PTPRD: variants seen among roughly 807,000 people sequenced by gnomAD.
PTPRD encodes protein tyrosine phosphatase receptor type D, also known as receptor-type tyrosine-protein phosphatase delta.
Under a neutral mutation model 214.5 loss-of-function variants are expected in PTPRD, and 34 were observed. The ratio of observed to expected loss-of-function variants is 0.16; its 90% CI spans 0.12 to 0.21. The LOEUF (loss-of-function observed/expected upper bound fraction) is 0.21. Among genes scored for constraint, PTPRD ranks in the 10% least tolerant of loss-of-function variants. The pLI, the probability that PTPRD is intolerant of heterozygous loss-of-function variation, is 1.00. For missense variants in PTPRD, 2,545 were observed against 2,398.7 expected, an observed-to-expected ratio of 1.06 and a Z score of -1.27; for synonymous variants, 1,128 against 845.7, an observed-to-expected ratio of 1.33 and a Z score of -5.79.
At chr9:9,369,370 C>A (rs1342481491) in intron 9 of PTPRD, among the ~76,000 whole-genome samples, 2 of 152,054 alleles carry the variant, frequency 1.3e-5, no homozygotes, top group African/African-American at 2.4e-5. Flanking sequence ...AGATGATGAG[C>A]ATTTTTTCAT....
At chr9:8,824,952 G>C (rs1042007264) in intron 11 of PTPRD, among the ~76,000 whole-genome samples, 1 of 151,946 alleles carries the variant, frequency 6.6e-6, no homozygotes. Flanking sequence ...TATTATACTT[G>C]GCCTGATTAT....
At chr9:8,539,558 G>C (rs915185218) in intron 14 of PTPRD, among the ~76,000 whole-genome samples, 1 of 151,778 alleles carries the variant, frequency 6.6e-6, no homozygotes. Context: ...ATTGGAGAAG[G>C]CTTACAGAAA....
At chr9:10,097,807 G>T (rs2098506992) in intron 3 of PTPRD, among the ~76,000 whole-genome samples, 1 of 151,814 alleles carries the variant, frequency 6.6e-6, no homozygotes, top group Non-Finnish European at 1.5e-5. Context: ...GGGCATCCCT[G>T]TGTTGTGCCA....
At chr9:10,609,858 G>A (rs1432461534) in intron 2 of PTPRD, among the ~76,000 whole-genome samples, 2 of 152,082 alleles carry the variant, frequency 1.3e-5, no homozygotes, top group Non-Finnish European at 2.9e-5. Flanking sequence ...ATAGTTACAA[G>A]AGTAGGCTTG....
At position 8,493,046 on chromosome 9, in the gene PTPRD, G is replaced by A. The variant is rs1034518787; in HGVS notation, c.2350-67C>T. On this transcript the variant is annotated intron_variant, in intron 26 of 45. Coordinates refer to ENST00000381196, the MANE Select transcript of PTPRD (RefSeq NM_002839.4). ...ACTAATGCTCTGGGGGAAAAACAAG[G>A]CCGTCTGCCTTCATTCTGCAAATGC... 6 of 1,340,970 alleles carry A rather than the reference G, an allele frequency of 4.5e-6. No homozygotes were observed. The African/African-American group carries it at 7.2e-5, about 16-fold the overall frequency. 83.1% of individuals were successfully genotyped at this position (1,340,970 alleles called of 1,614,324 possible). A position where few individuals can be genotyped will look rare whatever the true frequency, so the allele number is the denominator to read the frequency against.
At chr9:9,335,720 G>A (rs2044173898) in intron 9 of PTPRD, among the ~76,000 whole-genome samples, 1 of 151,912 alleles carries the variant, frequency 6.6e-6, no homozygotes, top group South Asian at 2.1e-4. Context: ...GGCCCAAGAA[G>A]CATAGAAATG....
At chr9:9,095,154 T>C (rs2099781710) in intron 10 of PTPRD, among the ~76,000 whole-genome samples, 1 of 152,136 alleles carries the variant, frequency 6.6e-6, no homozygotes. Context: ...AATTTCACAC[T>C]TAATGTTTAA....
chr9:10,524,383 A>AT (rs1316079295), intron 2 of PTPRD, among the ~76,000 whole-genome samples: 4 of 152,064 alleles, frequency 2.6e-5, no homozygotes, highest in African/African-American at 7.2e-5. Context: ...TACTAGTTTT[A>AT]TTTTTTAATT....
chr9:10,094,539 CTT>C lies in PTPRD; in HGVS notation c.-544-60751_-544-60750del, dbSNP rs5896370. Among the ~76,000 whole-genome samples, 241 of 121,130 alleles carry C rather than the reference CTT, an allele frequency of 2.0e-3. 1 individual carries two copies. The highest frequency in any genetic ancestry group is 0.01 in the East Asian group (42 of 4,084). 79.5% of individuals were successfully genotyped at this position (121,130 alleles called of 152,430 possible). A position where few individuals can be genotyped will look rare whatever the true frequency, so the allele number is the denominator to read the frequency against. ...AGTATGGTTTTTTTTTTCTTTCTTT[CTT>C]TTTTTTTTTTTTTTCTGAAATGGGG... On this transcript the variant is annotated intron_variant, in intron 3 of 45. Transcript: ENST00000381196.
At chr9:9,828,665 T>C (rs906301125) in intron 5 of PTPRD, among the ~76,000 whole-genome samples, 1 of 151,338 alleles carries the variant, frequency 6.6e-6, no homozygotes, top group Non-Finnish European at 1.5e-5. Flanking sequence ...AAAAGATCTT[T>C]TGCTAATTTA....
At position 8,390,877 on chromosome 9, in the gene PTPRD, T is replaced by C. The variant is rs182743456; in HGVS notation, c.4211-1470A>G. Reference sequence around the variant, plus strand: ...CCTGTGAGAAGAAGAGAGGTTTAGATTTACTCTGTTGAGTTCCAAGTTTTA... The same window carrying C: ...CCTGTGAGAAGAAGAGAGGTTTAGACTTACTCTGTTGAGTTCCAAGTTTTA... On this transcript the variant is annotated intron_variant, in intron 36 of 45. Coordinates refer to ENST00000381196, the MANE Select transcript of PTPRD (RefSeq NM_002839.4). Among the ~76,000 whole-genome samples the C allele has an allele frequency of 1.3e-3, 197 of 152,302 alleles. 2 individuals are homozygous for C. Among genetic ancestry groups the C allele is most frequent in the African/African-American group, 4.6e-3 (193 of 41,576 alleles).
intron 10 of PTPRD, among the ~76,000 whole-genome samples, chr9:9,146,613 T>C (rs2099869008): frequency 2.0e-5 from 3 of 152,260 alleles, no homozygotes; most frequent in Admixed American, 1.3e-4. Flanking sequence ...TTGGAGATTA[T>C]TGCATTCAAT....
intron 5 of PTPRD, among the ~76,000 whole-genome samples, chr9:9,889,218 G>A (rs576513497): frequency 1.3e-5 from 2 of 152,038 alleles, no homozygotes; most frequent in South Asian, 2.1e-4. Flanking sequence ...ATATATAATA[G>A]TTAGCAATAT....
intron 9 of PTPRD, among the ~76,000 whole-genome samples, chr9:9,347,439 T>G (rs914443036): frequency 6.6e-6 from 1 of 151,970 alleles, no homozygotes; most frequent in Non-Finnish European, 1.5e-5. Context: ...TTCCCTTCAA[T>G]GTTACATTGT....
At chr9:8,765,509 C>G (rs866675879) in intron 11 of PTPRD, among the ~76,000 whole-genome samples, 3 of 152,096 alleles carry the variant, frequency 2.0e-5, no homozygotes, top group East Asian at 1.9e-4. Context: ...AGGTTAGAAG[C>G]GGGTATTATC....
intron 7 of PTPRD, among the ~76,000 whole-genome samples, chr9:9,678,199 A>G (rs967596062): frequency 6.6e-6 from 1 of 152,152 alleles, no homozygotes; most frequent in Non-Finnish European, 1.5e-5. Flanking sequence ...GACTTTCTTC[A>G]CAGAATTGGA....
chr9:8,999,535 T>A (rs1306616875), intron 11 of PTPRD, among the ~76,000 whole-genome samples: 2 of 152,116 alleles, frequency 1.3e-5, no homozygotes, highest in African/African-American at 2.4e-5. Flanking sequence ...AGAACTTTTA[T>A]ATGCTCTAGG....
chr9:8,319,023 GTGTT>G (rs905025443), intron 45 of PTPRD, among the ~76,000 whole-genome samples: 1 of 152,054 alleles, frequency 6.6e-6, no homozygotes, highest in Admixed American at 6.6e-5. Flanking sequence ...GCTTGGCTGA[GTGTT>G]AAGGCTTTTT....
At chr9:8,573,823 T>C (rs1191454619) in intron 14 of PTPRD, among the ~76,000 whole-genome samples, 2 of 151,982 alleles carry the variant, frequency 1.3e-5, no homozygotes, top group Non-Finnish European at 2.9e-5. Flanking sequence ...TTCAATATTA[T>C]GATTAAAACA....
Sources: allele counts gnomAD v4.1 joint callset (sites outside exome capture counted in the v4.1 genomes callset), GRCh38; gene constraint gnomAD v4.1.1; transcripts MANE v1.5; gene names NCBI Gene and HGNC (gene_info 2026-07-23, HGNC 2026-07-21).